ARID5B: variants seen among roughly 807,000 people sequenced by gnomAD.
ARID5B encodes AT-rich interactive domain-containing protein 5B.
Under a neutral mutation model 97.2 loss-of-function variants are expected in ARID5B, and 13 were observed. That is an observed-to-expected ratio of 0.13 (90% CI 0.09 to 0.21). ARID5B has a LOEUF of 0.21. ARID5B is among the 10% of genes least tolerant of loss of function. ARID5B has a pLI of 1.00. For missense variants in ARID5B, 1,210 were observed against 1,465.3 expected (o/e 0.83, Z 2.84); for synonymous variants, 556 against 570.3 (o/e 0.97, Z 0.36).
At chr10:61,902,104 T>A in intron 1 of ARID5B, 55 bp from the exon 2 acceptor site, 1 of 1,600,670 alleles carries the variant, frequency 6.2e-7, no homozygotes. Flanking sequence ...TGGGAATAGA[T>A]GTTTGTGCTC....
chr10:62,014,418 G>C (rs536789415), intron 4 of ARID5B, among the ~76,000 whole-genome samples: 5 of 152,208 alleles, frequency 3.3e-5, no homozygotes, highest in Non-Finnish European at 7.3e-5. Context: ...AGGAGGCAGC[G>C]TGTGGTAAGA....
At chr10:62,003,438 A>G (rs943836589) in intron 4 of ARID5B, among the ~76,000 whole-genome samples, 1 of 152,222 alleles carries the variant, frequency 6.6e-6, no homozygotes, top group African/African-American at 2.4e-5. Flanking sequence ...GAGCAGGTTA[A>G]TAACTACTCA....
rs114989289 is a variant in ARID5B, at chr10:62,046,534, G to C, written c.734-4354G>C. 3.3e-3 allele frequency: 510 copies of C among 152,300 alleles called. 3 individuals carry two copies. The highest frequency in any genetic ancestry group is 0.012 in the African/African-American group (482 of 41,560). The allele number at this position is 152,300 out of a possible 1,614,324, so 9.4% of individuals were successfully genotyped here. ...AGTTTAAAAAGAAAAAACAAACATGGGTTAGCTGTCAGAGTAGCCTGGAGC... is the reference window on the plus strand; with the variant it reads ...AGTTTAAAAAGAAAAAACAAACATGCGTTAGCTGTCAGAGTAGCCTGGAGC... On this transcript the variant is annotated intron_variant, in intron 4 of 9. Transcript: ENST00000279873.
chr10:62,024,398 G>A (rs1258502326), intron 4 of ARID5B, among the ~76,000 whole-genome samples: 1 of 152,158 alleles, frequency 6.6e-6, no homozygotes, highest in African/African-American at 2.4e-5. Flanking sequence ...GAGTTTAATG[G>A]TAACACAACC....
intron 4 of ARID5B, among the ~76,000 whole-genome samples, chr10:62,040,341 A>T (rs201437988): frequency 0.037 from 5 of 134 alleles, no homozygotes; most frequent in African/African-American, 0.043. Context: ...TTATAACATT[A>T]TATATATATA....
rs567378352 is a variant in ARID5B at position 61,985,033 on chromosome 10, T to A, written c.503-15058T>A. On this transcript the variant is annotated intron_variant, in intron 3 of 9. Coordinates refer to ENST00000279873, the MANE Select transcript of ARID5B (RefSeq NM_032199.3). ...GCTGCCCAAAGGAGGAGAGAGAATG[T>A]TCATGACTGACAGGCTGGAAAGATT... Among the ~76,000 whole-genome samples the A allele has an allele frequency of 2.0e-5, 3 of 152,156 alleles. No individual in the cohort carries two copies. In the East Asian group the frequency reaches 5.9e-4, roughly 30 times the overall value.
At chr10:62,049,188 C>T in intron 4 of ARID5B, 1 of 1,276,786 alleles carries the variant, frequency 7.8e-7, no homozygotes, top group East Asian at 3.3e-5. Flanking sequence ...ATCACCATCT[C>T]CGTGCGGGGA....
intron 8 of ARID5B, among the ~76,000 whole-genome samples, chr10:62,071,139 G>A (rs1840058758): frequency 6.7e-6 from 1 of 148,510 alleles, no homozygotes; most frequent in African/African-American, 2.5e-5. Flanking sequence ...AGGTTCAAGC[G>A]ATTCTCCTGA....
Position 61,902,287 on chromosome 10 carries a change from T to C in ARID5B, c.150T>C (p.Asp50=). The part of the protein sequence containing the change: ...DFFFVRCTPK[D]PICIAELQLL... ...TCTTTGTAAGATGTACGCCAAAGGA[T>C]CCGATTTGCATAGCGGAGCTCCAGC... Residue 50 remains aspartate (D), a synonymous_variant, in exon 2 of 10, where the codon GAT becomes GAC. Transcript: ENST00000279873. The C allele has an allele frequency of 6.2e-7, 1 of 1,614,136 alleles. No homozygotes were observed. The highest frequency in any genetic ancestry group is 8.5e-7 in the Non-Finnish European group (1 of 1,180,030).
intron 4 of ARID5B, among the ~76,000 whole-genome samples, chr10:62,035,839 G>A (rs779020342): frequency 2.0e-5 from 3 of 150,506 alleles, no homozygotes; most frequent in Non-Finnish European, 3.0e-5. Flanking sequence ...TTGGCTGGGG[G>A]TGGAGACAGA....
At position 62,057,286 on chromosome 10, in the gene ARID5B, T is replaced by C; in HGVS notation, c.1016T>C (p.Ile339Thr). The C allele has an allele frequency of 6.2e-7, 1 of 1,613,816 alleles. No homozygotes were observed. The highest frequency in any genetic ancestry group is 8.5e-7 in the Non-Finnish European group (1 of 1,179,750). The change falls in exon 6 of 10, where the codon ATA (isoleucine) becomes ACA (threonine). Residue 339 changes from isoleucine (I) to threonine (T), a missense_variant. Coordinates refer to ENST00000279873, the MANE Select transcript of ARID5B (RefSeq NM_032199.3). ...TACATGAAAGAAAGGAAAACGCCGA[T>C]AGAACGAATACCCTATTTAGGTTTT... is the stretch of plus-strand genomic sequence containing the variant. ...YKYMKERKTP[I>T]ERIPYLGFKQ...
chr10:62,003,030 C>G (rs1419562593), intron 4 of ARID5B, among the ~76,000 whole-genome samples: 1 of 152,208 alleles, frequency 6.6e-6, no homozygotes, highest in East Asian at 1.9e-4. Context: ...TCATAAATTG[C>G]TGTAAAATAC....
chr10:62,093,239 A>C lies in ARID5B; in HGVS notation c.*209A>C, dbSNP rs895554338. 1.4e-5 allele frequency: 9 copies of C among 643,878 alleles called. No individual in the cohort carries two copies. The highest frequency in any genetic ancestry group is 2.0e-5 in the Non-Finnish European group (8 of 400,948). 39.9% of individuals were successfully genotyped at this position (643,878 alleles called of 1,614,324 possible). A position where few individuals can be genotyped will look rare whatever the true frequency, so the allele number is the denominator to read the frequency against. ...CAAACTGACTGGCTGGTGAGTCTTGACTCCCTTCCAACACAGATGCCCAGG... is the reference window on the plus strand; with the variant it reads ...CAAACTGACTGGCTGGTGAGTCTTGCCTCCCTTCCAACACAGATGCCCAGG... On this transcript the variant is annotated 3_prime_UTR_variant, in exon 10 of 10. Transcript: ENST00000279873.
intron 3 of ARID5B, among the ~76,000 whole-genome samples, chr10:61,984,567 G>A (rs527386990): frequency 2.0e-5 from 3 of 152,286 alleles, no homozygotes; most frequent in East Asian, 1.9e-4. Flanking sequence ...GGTGGGGGGG[G>A]CCTCAGTCAG....
intron 2 of ARID5B, among the ~76,000 whole-genome samples, chr10:61,906,837 C>T (rs978938964): frequency 6.6e-6 from 1 of 152,220 alleles, no homozygotes; most frequent in African/African-American, 2.4e-5. Context: ...AAGTTCTAAA[C>T]TCTCTGTGCC....
At chr10:61,919,798 C>T (rs905335764) in intron 2 of ARID5B, among the ~76,000 whole-genome samples, 5 of 152,006 alleles carry the variant, frequency 3.3e-5, no homozygotes, top group Non-Finnish European at 5.9e-5. Flanking sequence ...AATATGCATC[C>T]CTAACTATCT....
chr10:62,027,616 A>C (rs1461913322), intron 4 of ARID5B, among the ~76,000 whole-genome samples: 4 of 151,872 alleles, frequency 2.6e-5, no homozygotes, highest in African/African-American at 9.7e-5. Flanking sequence ...ACCTCACAGT[A>C]TCTCTTAAGA....
intron 3 of ARID5B, among the ~76,000 whole-genome samples, chr10:61,977,305 C>G (rs1302458303): frequency 6.6e-6 from 1 of 152,188 alleles, no homozygotes; most frequent in East Asian, 1.9e-4. Flanking sequence ...GTGAATAGTG[C>G]TGCAATAAAC....
chr10:62,093,651 CTTTTTTTTTTT>C lies in ARID5B; in HGVS notation c.*638_*648del, dbSNP rs57902062. On this transcript the variant is annotated 3_prime_UTR_variant, in exon 10 of 10. Transcript: ENST00000279873. ...CCATTTTCTCCCAGTTCCTTCTCGT[CTTTTTTTTTTT>C]TTTTTTTTTTTTTTTTATTAAATGG... 3.0e-4 allele frequency: 26 copies of C among 86,990 alleles called. No individual in the cohort carries two copies. Among genetic ancestry groups the C allele is most frequent in the African/African-American group, 1.5e-3 (19 of 12,566 alleles). The allele number at this position is 86,990 out of a possible 1,614,324, so 5.4% of individuals were successfully genotyped here.
Sources: gnomAD v4.1 joint callset for allele counts (sites outside exome capture counted in the v4.1 genomes callset) on GRCh38, gnomAD v4.1.1 for gene constraint, MANE v1.5 for transcripts, NCBI Gene and HGNC (gene_info 2026-07-23, HGNC 2026-07-21) for gene names.